TRPM1: variants seen among roughly 807,000 people sequenced by gnomAD.
TRPM1 encodes the protein TRPM1-203 APA Isoform, Intron 10.
TRPM1 carries 113 observed loss-of-function variants against 149.4 expected under a neutral mutation model. The ratio of observed to expected loss-of-function variants is 0.76; its 90% confidence interval spans 0.65 to 0.88. TRPM1 has a LOEUF of 0.88. TRPM1 is among the 40% of genes least tolerant of loss of function. TRPM1 has a pLI of 0.00. For missense variants in TRPM1, 1,976 were observed against 2,038.7 expected, an observed-to-expected ratio of 0.97 and a Z score of 0.59; for synonymous variants, 741 against 759.5, an observed-to-expected ratio of 0.98 and a Z score of 0.40.
intron 27 of TRPM1, among the ~76,000 whole-genome samples, chr15:31,017,301 T>C (rs2140886208): frequency 6.6e-6 from 1 of 152,274 alleles, no homozygotes; most frequent in South Asian, 2.1e-4. Flanking sequence ...AGAGCAAGAC[T>C]CTGTCTCAAA....
At chr15:31,078,163 T>G (rs2034760818) in intron 2 of TRPM1, among the ~76,000 whole-genome samples, 1 of 152,168 alleles carries the variant, frequency 6.6e-6, no homozygotes, top group Non-Finnish European at 1.5e-5. Flanking sequence ...AGGATGGGAC[T>G]GAGGTATCTG....
intron 1 of TRPM1, among the ~76,000 whole-genome samples, chr15:31,110,963 C>T (rs575230212): frequency 6.8e-6 from 1 of 146,020 alleles, no homozygotes; most frequent in African/African-American, 2.5e-5. Flanking sequence ...TGTTGCAGTG[C>T]TGGCAGATGA....
intron 27 of TRPM1, among the ~76,000 whole-genome samples, chr15:31,018,252 T>A (rs1166423150): frequency 6.6e-6 from 1 of 152,092 alleles, no homozygotes; most frequent in Non-Finnish European, 1.5e-5. Flanking sequence ...GGTTTCACCA[T>A]GTTGGTCAGG....
At chr15:31,125,457 G>A (rs900009428) in intron 1 of TRPM1, among the ~76,000 whole-genome samples, 3 of 152,080 alleles carry the variant, frequency 2.0e-5, no homozygotes, top group African/African-American at 4.8e-5. Context: ...GCGGCCGGGC[G>A]CAGTGGCTTA....
chr15:31,059,429 GGGA>G (rs2034167090), intron 11 of TRPM1, among the ~76,000 whole-genome samples: 1 of 152,096 alleles, frequency 6.6e-6, no homozygotes, highest in Non-Finnish European at 1.5e-5. Flanking sequence ...TTTTAGAGAT[GGGA>G]TCTCATTCTC....
chr15:31,118,647 C>T (rs1398484647), intron 1 of TRPM1, among the ~76,000 whole-genome samples: 3 of 152,176 alleles, frequency 2.0e-5, no homozygotes, highest in African/African-American at 7.2e-5. Flanking sequence ...TGGGTTAGAA[C>T]TCTCTTCTGG....
intron 1 of TRPM1, among the ~76,000 whole-genome samples, chr15:31,131,975 G>T (rs770364748): frequency 1.3e-5 from 2 of 152,198 alleles, no homozygotes; most frequent in Non-Finnish European, 2.9e-5. Flanking sequence ...GGTGCTCTTG[G>T]CTAGGCTTAG....
intron 11 of TRPM1, 100 bp from the exon 12 acceptor site, chr15:31,050,682 C>A (rs2033924130): frequency 1.6e-6 from 2 of 1,246,722 alleles, no homozygotes; most frequent in Admixed American, 1.7e-5. Context: ...TGCACACATG[C>A]ACACCACACA....
intron 1 of TRPM1, among the ~76,000 whole-genome samples, chr15:31,093,365 G>T (rs2035293294): frequency 6.7e-6 from 1 of 150,008 alleles, no homozygotes; most frequent in Admixed American, 6.7e-5. Flanking sequence ...GAGGGTGAAA[G>T]ATCACCATAC....
upstream of TRPM1, chr15:31,101,841 C>T (rs958883065): frequency 1.7e-5 from 9 of 524,354 alleles, no homozygotes; most frequent in Non-Finnish European, 2.2e-5. Context: ...ACCTGACTCC[C>T]AGGCCAGAAA....
At chr15:31,093,001 C>T (rs2035282303) in intron 1 of TRPM1, among the ~76,000 whole-genome samples, 4 of 152,196 alleles carry the variant, frequency 2.6e-5, no homozygotes, top group Admixed American at 2.6e-4. Flanking sequence ...TGGTTCATGC[C>T]TGTAATCCCA....
chr15:31,113,430 C>CA (rs1216613356), intron 1 of TRPM1, among the ~76,000 whole-genome samples: 1 of 91,854 alleles, frequency 1.1e-5, no homozygotes, highest in African/African-American at 3.9e-5. Flanking sequence ...CCAGCTCTGA[C>CA]AGTTTTTTTT....
intron 7 of TRPM1, among the ~76,000 whole-genome samples, chr15:31,064,464 A>G (rs900674204): frequency 1.1e-4 from 17 of 152,302 alleles, no homozygotes; most frequent in African/African-American, 4.1e-4. Context: ...GGAAGTTGGG[A>G]TTCTGGAATG....
intron 1 of TRPM1, among the ~76,000 whole-genome samples, chr15:31,139,106 T>C (rs1293385755): frequency 6.6e-6 from 1 of 152,226 alleles, no homozygotes; most frequent in Non-Finnish European, 1.5e-5. Flanking sequence ...ACAGCCATTG[T>C]CATTCTGAAT....
rs771401431 is a variant in TRPM1, at chr15:31,066,185, G to A, written c.681C>T (p.Ser227=). The A allele has an allele frequency of 2.5e-6, 4 of 1,614,102 alleles. No homozygotes were observed. The highest frequency in any genetic ancestry group is 1.6e-4 in the Middle Eastern group (1 of 6,062). Residue 227 remains serine (S), a synonymous_variant, in exon 7 of 28, where the codon TCC becomes TCT. Transcript: ENST00000256552. ...PLSKLSVLNN[S]HTHFILADNG... ...TGTCAGCCAGGATGAAGTGGGTGTGGGAGTTGTTGAGCACAGAGAGCTTAC... is the reference window on the plus strand; with the variant it reads ...TGTCAGCCAGGATGAAGTGGGTGTGAGAGTTGTTGAGCACAGAGAGCTTAC...
intron 1 of TRPM1, among the ~76,000 whole-genome samples, chr15:31,134,395 A>G (rs1361103567): frequency 6.6e-6 from 1 of 152,234 alleles, no homozygotes; most frequent in Non-Finnish European, 1.5e-5. Context: ...CTGCAGGCAC[A>G]GGGAAAGCTT....
intron 1 of TRPM1, among the ~76,000 whole-genome samples, chr15:31,144,949 CA>C (rs1307424559): frequency 1.3e-5 from 2 of 152,134 alleles, no homozygotes; most frequent in East Asian, 3.8e-4. Flanking sequence ...CTCCCGACCT[CA>C]GGTAATCTGC....
At chr15:31,039,983 G>A in intron 18 of TRPM1, 135 bp downstream of exon 18, 1 of 776,932 alleles carries the variant, frequency 1.3e-6, no homozygotes, top group Non-Finnish European at 2.2e-6. Flanking sequence ...ATAAGACAAT[G>A]ATTGTCATGG....
At chr15:31,007,428 T>C (rs887400470) in intron 27 of TRPM1, among the ~76,000 whole-genome samples, 9 of 152,202 alleles carry the variant, frequency 5.9e-5, no homozygotes, top group Non-Finnish European at 2.9e-5. Flanking sequence ...CTGGATAGTG[T>C]GATTCCTCTA....
Sources: allele counts gnomAD v4.1 joint callset (sites outside exome capture counted in the v4.1 genomes callset), GRCh38; gene constraint gnomAD v4.1.1; transcripts MANE v1.5; gene names NCBI Gene and HGNC (gene_info 2026-07-23, HGNC 2026-07-21).